The following TESK2 variants were observed in gnomAD, a reference collection of about 807,000 sequenced individuals.
TESK2 encodes dual specificity testis-specific protein kinase 2.
TESK2 carries 39 observed loss-of-function variants against 57.1 expected under a neutral mutation model. The ratio of observed to expected loss-of-function variants is 0.68; its 90% CI spans 0.53 to 0.89. The LOEUF is 0.89. Ranked by LOEUF, TESK2 falls within the 40% of genes least tolerant of loss-of-function variation. The probability of loss-of-function intolerance (pLI) is 0.00; values close to 1 mark genes in which losing one functional copy is unlikely to be tolerated. For missense variants in TESK2, 646 were observed against 732.1 expected (o/e 0.88, Z 1.36); for synonymous variants, 249 against 267.9 (o/e 0.93, Z 0.69).
At chr1:45,490,160 T>C (rs1310594381) in intron 1 of TESK2, among the ~76,000 whole-genome samples, 1 of 152,208 alleles carries the variant, frequency 6.6e-6, no homozygotes, top group Non-Finnish European at 1.5e-5. Context: ...AAGCTCCTGC[T>C]TACAAAACCT....
At chr1:45,440,588 T>C (rs1464653093) in intron 2 of TESK2, among the ~76,000 whole-genome samples, 1 of 151,720 alleles carries the variant, frequency 6.6e-6, no homozygotes, top group Non-Finnish European at 1.5e-5. Flanking sequence ...TGGTGGTGTG[T>C]GCTTGTATTC....
At chr1:45,357,995 G>A (rs1290253775) in intron 4 of TESK2, among the ~76,000 whole-genome samples, 5 of 92,438 alleles carry the variant, frequency 5.4e-5, no homozygotes, top group East Asian at 3.6e-4. Context: ...GTGACGGAGT[G>A]AAACTCCGTC....
chr1:45,408,668 C>T (rs781507693), intron 3 of TESK2, among the ~76,000 whole-genome samples: 5 of 152,116 alleles, frequency 3.3e-5, no homozygotes, highest in Non-Finnish European at 5.9e-5. Flanking sequence ...TGGGTCTATT[C>T]ATTTTCTCCA....
chr1:45,384,593 ATTTTTTTTTTTT>A (rs59988269), intron 4 of TESK2, among the ~76,000 whole-genome samples: 52 of 70,878 alleles, frequency 7.3e-4, no homozygotes, highest in African/African-American at 2.6e-3. Context: ...CTAATTATTA[ATTTTTTTTTTTT>A]TTTTTTTTTT....
At chr1:45,424,384 G>A (rs1359904650) in intron 2 of TESK2, among the ~76,000 whole-genome samples, 1 of 152,130 alleles carries the variant, frequency 6.6e-6, no homozygotes, top group Non-Finnish European at 1.5e-5. Flanking sequence ...ACTAAGGCAG[G>A]CAGAACACTG....
intron 4 of TESK2, among the ~76,000 whole-genome samples, chr1:45,357,196 C>CATAAATAA (rs59019267): frequency 2.1e-4 from 29 of 141,140 alleles, no homozygotes; most frequent in African/African-American, 3.4e-4. Context: ...AACTCCATCT[C>CATAAATAA]ATAAATAAAT....
At chr1:45,414,453 C>T (rs1382721013) in intron 3 of TESK2, among the ~76,000 whole-genome samples, 1 of 152,146 alleles carries the variant, frequency 6.6e-6, no homozygotes. Flanking sequence ...TTTAGATAGA[C>T]TGAATGCTAC....
At chr1:45,489,507 C>G (rs1249677364) in intron 1 of TESK2, among the ~76,000 whole-genome samples, 1 of 152,166 alleles carries the variant, frequency 6.6e-6, no homozygotes, top group Non-Finnish European at 1.5e-5. Context: ...ACCTCAAACT[C>G]GGCTGGGAGC....
intron 2 of TESK2, among the ~76,000 whole-genome samples, chr1:45,424,423 T>C (rs964354564): frequency 3.3e-5 from 5 of 152,184 alleles, no homozygotes; most frequent in African/African-American, 4.8e-5. Flanking sequence ...GATCACTGAG[T>C]GAGATTTGGA....
intron 1 of TESK2, among the ~76,000 whole-genome samples, chr1:45,479,593 C>A (rs978622141): frequency 2.6e-5 from 4 of 151,516 alleles, no homozygotes; most frequent in Non-Finnish European, 5.9e-5. Context: ...CACGCCCAGC[C>A]CCCCCAAAAA....
rs35869444 is a variant in TESK2, at chr1:45,479,813, C to CTTTT, written c.-87+11035_-87+11038dup. ...AAGGACTGAAATGCAGAAGGCCCTT[C>CTTTT]TTTTTTTTTTTTTTTTTTTTTTTGA... On this transcript the variant is annotated intron_variant, in intron 1 of 10. Coordinates refer to ENST00000372086, the MANE Select transcript of TESK2 (RefSeq NM_007170.3). Among the ~76,000 whole-genome samples the CTTTT allele has an allele frequency of 2.2e-3, 150 of 68,540 alleles. 1 individual carries two copies. The highest frequency in any genetic ancestry group is 3.1e-3 in the African/African-American group (47 of 15,112). The allele number at this position is 68,540 out of a possible 152,430, so 45.0% of individuals were successfully genotyped here.
At position 45,440,541 on chromosome 1, in the gene TESK2, C is replaced by A. The variant is rs577800000; in HGVS notation, c.222+17023G>T. Among the ~76,000 whole-genome samples the A allele has an allele frequency of 5.3e-5, 8 of 152,034 alleles. No homozygotes were observed. In the East Asian group the frequency reaches 1.6e-3, roughly 30 times the overall value. On this transcript the variant is annotated intron_variant, in intron 2 of 10. Coordinates refer to ENST00000372086, the MANE Select transcript of TESK2 (RefSeq NM_007170.3). The stretch of plus-strand genomic sequence containing the variant: ...CCAGCCTGGCCAACATGGCAAAACC[C>A]CGCCTCTACTAAAAATATAAAAAAA...
chr1:45,462,029 TTCTA>T (rs1450729259), intron 1 of TESK2, among the ~76,000 whole-genome samples: 9 of 152,182 alleles, frequency 5.9e-5, no homozygotes, highest in Non-Finnish European at 1.3e-4. Context: ...ATCTTATTCA[TTCTA>T]TCTAACTATA....
chr1:45,448,498 C>T (rs1651736143), intron 2 of TESK2, among the ~76,000 whole-genome samples: 1 of 151,998 alleles, frequency 6.6e-6, no homozygotes, highest in South Asian at 2.1e-4. Context: ...CTGGTGAGGG[C>T]CTCTGGAAGC....
chr1:45,423,479 C>T (rs1650564771), intron 2 of TESK2, among the ~76,000 whole-genome samples: 1 of 151,276 alleles, frequency 6.6e-6, no homozygotes. Flanking sequence ...ATGGCATGAG[C>T]CTGGGAGGCG....
At chr1:45,444,964 C>A (rs766067304) in intron 2 of TESK2, among the ~76,000 whole-genome samples, 3 of 144,548 alleles carry the variant, frequency 2.1e-5, no homozygotes, top group Non-Finnish European at 4.6e-5. Flanking sequence ...GGTCATGCAG[C>A]CAGAGGTCAC....
intron 2 of TESK2, among the ~76,000 whole-genome samples, chr1:45,441,885 G>A (rs1270434159): frequency 5.3e-5 from 8 of 151,942 alleles, no homozygotes; most frequent in Non-Finnish European, 1.2e-4. Flanking sequence ...CCAAAGTGCT[G>A]TGCTGGGATT....
intron 1 of TESK2, among the ~76,000 whole-genome samples, chr1:45,480,109 C>T (rs376878546): frequency 3.1e-4 from 47 of 151,110 alleles, no homozygotes; most frequent in African/African-American, 9.7e-4. Flanking sequence ...TAGGCGTGAG[C>T]CACCACGCCC....
intron 3 of TESK2, among the ~76,000 whole-genome samples, chr1:45,418,833 T>A (rs956344163): frequency 3.3e-5 from 5 of 152,302 alleles, no homozygotes; most frequent in Admixed American, 3.3e-4. Flanking sequence ...AAAATCAAGG[T>A]TCATTATTAT....
Sources: allele counts gnomAD v4.1 joint callset (sites outside exome capture counted in the v4.1 genomes callset), GRCh38; gene constraint gnomAD v4.1.1; transcripts MANE v1.5; gene names NCBI Gene and HGNC (gene_info 2026-07-23, HGNC 2026-07-21).